PCDHGB5: variants seen among roughly 807,000 people sequenced by gnomAD.
The protein encoded by PCDHGB5 is protocadherin gamma-B5.
In PCDHGB5, 48 loss-of-function variants were observed where a neutral mutation model predicts 62.9. The observed-to-expected ratio is 0.76, with a 90% CI of 0.61 to 0.97. PCDHGB5 has a LOEUF of 0.97. Ranked by LOEUF, PCDHGB5 falls within the 50% of genes least tolerant of loss-of-function variation. The probability of loss-of-function intolerance (pLI) is 0.00; values close to 1 mark genes in which losing one functional copy is unlikely to be tolerated. For missense variants in PCDHGB5, 1,118 were observed against 1,198.6 expected, an observed-to-expected ratio of 0.93 and a Z score of 0.99; for synonymous variants, 474 against 511.2, an observed-to-expected ratio of 0.93 and a Z score of 0.98.
intron 1 of PCDHGB5, among the ~76,000 whole-genome samples, chr5:141,406,273 G>C (rs1366399912): frequency 6.6e-6 from 1 of 151,898 alleles, no homozygotes; most frequent in Non-Finnish European, 1.5e-5. Context: ...TCCTGCTTCA[G>C]TTTCCCAAAG....
intron 1 of PCDHGB5, chr5:141,423,753 G>GC (rs1489142243): frequency 4.8e-6 from 3 of 626,014 alleles, no homozygotes; most frequent in African/African-American, 5.1e-5. Context: ...AACTGTTTGG[G>GC]GGGGGGGTGG....
chr5:141,486,425 A>C lies in PCDHGB5; in HGVS notation c.2398-8382A>C. The C allele has an allele frequency of 6.2e-7, 1 of 1,614,228 alleles. No homozygotes were observed. On this transcript the variant is annotated intron_variant, in intron 1 of 3. Transcript: ENST00000617380. This position sits in a 1 kb window ranked among gnomAD's most constrained non-coding sequence, Gnocchi z 5.0. Reference sequence around the variant, plus strand: ...TGCTGGACCCTTGGATCGAGAGGCCAAATCTAGCTATGACATCATGGTCAC... The same window carrying C: ...TGCTGGACCCTTGGATCGAGAGGCCCAATCTAGCTATGACATCATGGTCAC...
At chr5:141,411,134 G>A (rs1050594380) in intron 1 of PCDHGB5, 1 of 152,434 alleles carries the variant, frequency 6.6e-6, no homozygotes, top group Non-Finnish European at 1.5e-5. Context: ...ACAGGCGTGA[G>A]CCACAATATT....
chr5:141,489,225 A>G lies in PCDHGB5; in HGVS notation c.2398-5582A>G. 3 of 1,518,230 alleles carry G rather than the reference A, an allele frequency of 2.0e-6. No individual in the cohort carries two copies. Among genetic ancestry groups the G allele is most frequent in the East Asian group, 2.3e-5 (1 of 44,234 alleles). 94.0% of individuals were successfully genotyped at this position (1,518,230 alleles called of 1,614,324 possible). On this transcript the variant is annotated intron_variant, in intron 1 of 3. Coordinates refer to ENST00000617380, the MANE Select transcript of PCDHGB5 (RefSeq NM_018925.3). The surrounding 1 kb of genome is among the most constrained non-coding windows in gnomAD (Gnocchi z 4.5). ...GGACAGCACAGACTTACTCTCCACA[A>G]AGGGACTTCTGGGTCATGGGGCCCA...
rs545524357 is a variant in PCDHGB5, at chr5:141,467,902, G to A, written c.2398-26905G>A. ...TCAAACTCCTGAGCTCAAGAAATCC[G>A]CCCACCTCAGCCTCCCAAAATGCTA... On this transcript the variant is annotated intron_variant, in intron 1 of 3. Coordinates refer to ENST00000617380, the MANE Select transcript of PCDHGB5 (RefSeq NM_018925.3). 1.1e-4 allele frequency among the ~76,000 whole-genome samples: 16 copies of A among 151,862 alleles called. No homozygotes were observed. The East Asian group carries it at 2.3e-3, about 22-fold the overall frequency.
At chr5:141,509,574 G>A (rs554778751) in intron 3 of PCDHGB5, among the ~76,000 whole-genome samples, 7 of 152,182 alleles carry the variant, frequency 4.6e-5, no homozygotes, top group Non-Finnish European at 5.9e-5. Flanking sequence ...TTCACAGTGC[G>A]TACAAATCAG....
In PCDHGB5 at chr5:141,485,145, A is replaced by G. The variant is rs766014792; in HGVS notation, c.2398-9662A>G. On this transcript the variant is annotated intron_variant, in intron 1 of 3. Coordinates refer to ENST00000617380, the MANE Select transcript of PCDHGB5 (RefSeq NM_018925.3). The surrounding 1 kb of genome is among the most constrained non-coding windows in gnomAD (Gnocchi z 5.7). Reference sequence around the variant, plus strand: ...GGGTCGGCTTCATCCGCGTCTCAGGAGCAAGTAGAGAATTAGCGGGCGGCA... The same window carrying G: ...GGGTCGGCTTCATCCGCGTCTCAGGGGCAAGTAGAGAATTAGCGGGCGGCA... The G allele has an allele frequency of 4.5e-6, 7 of 1,567,410 alleles. No individual in the cohort carries two copies. Among genetic ancestry groups the G allele is most frequent in the Non-Finnish European group, 6.1e-6 (7 of 1,142,014 alleles).
rs202162316 is a variant in PCDHGB5, at chr5:141,490,194, T to C, written c.2398-4613T>C. ...TTGAGGAGTCACGTTTCTATGAAAT[T>C]CATGCAAGAGCCCGTGACCAGGGAC... is the stretch of plus-strand genomic sequence containing the variant. On this transcript the variant is annotated intron_variant, in intron 1 of 3. Transcript: ENST00000617380. The surrounding 1 kb of genome is among the most constrained non-coding windows in gnomAD (Gnocchi z 5.4). The C allele has an allele frequency of 8.1e-6, 13 of 1,614,186 alleles. No individual in the cohort carries two copies. The highest frequency in any genetic ancestry group is 1.1e-5 in the Non-Finnish European group (13 of 1,180,030).
In PCDHGB5 at chr5:141,511,116, G is replaced by A. The variant is rs2099883616; in HGVS notation, c.2715G>A (p.Lys905=). Residue 905 remains lysine, a synonymous_variant, in exon 4 of 4, where the codon AAG becomes AAA. Transcript: ENST00000617380. The stretch of plus-strand genomic sequence containing the variant: ...ACGCAGCTGGCAAGCGGGATGGCAA[G>A]GCCCCAGCAGGTGGCAATGGCAACA... ...LTNAAGKRDG[K]APAGGNGNKK... The A allele has an allele frequency of 1.9e-6, 3 of 1,614,234 alleles. No individual in the cohort carries two copies. The highest frequency in any genetic ancestry group is 2.5e-6 in the Non-Finnish European group (3 of 1,180,026).
intron 1 of PCDHGB5, among the ~76,000 whole-genome samples, chr5:141,463,573 C>T (rs1331124291): frequency 6.6e-6 from 1 of 151,436 alleles, no homozygotes; most frequent in East Asian, 1.9e-4. Flanking sequence ...CTCAGCCTCC[C>T]GAGTAGCTGG....
intron 1 of PCDHGB5, among the ~76,000 whole-genome samples, chr5:141,407,447 G>A (rs1347838571): frequency 3.9e-5 from 6 of 152,260 alleles, no homozygotes; most frequent in African/African-American, 2.4e-5. Context: ...ACCAGAACAC[G>A]AGGCTCACCA....
intron 1 of PCDHGB5, chr5:141,427,729 A>G (rs1176707357): frequency 8.5e-7 from 1 of 1,170,166 alleles, no homozygotes; most frequent in African/African-American, 1.5e-5. Context: ...CTAGGGCTGA[A>G]TGGCCAAGTC....
chr5:141,489,257 T>C lies in PCDHGB5; in HGVS notation c.2398-5550T>C, dbSNP rs2099684606. 5.8e-6 allele frequency: 9 copies of C among 1,550,190 alleles called. No homozygotes were observed. The highest frequency in any genetic ancestry group is 1.4e-5 in the African/African-American group (1 of 73,054). On this transcript the variant is annotated intron_variant, in intron 1 of 3. Transcript: ENST00000617380. This position sits in a 1 kb window ranked among gnomAD's most constrained non-coding sequence, Gnocchi z 4.5. Reference sequence around the variant, plus strand: ...TTCTGGGTCATGGGGCCCAAGACACTCCCACAGCTCGCTGGGAAATGGCAA... The same window carrying C: ...TTCTGGGTCATGGGGCCCAAGACACCCCCACAGCTCGCTGGGAAATGGCAA...
At chr5:141,409,290 G>A in intron 1 of PCDHGB5, 1 of 1,613,974 alleles carries the variant, frequency 6.2e-7, no homozygotes. Context: ...TCACCTCCAG[G>A]AATGGTTGTT....
At chr5:141,433,212 T>C (rs747556366) in intron 1 of PCDHGB5, 75 of 1,570,956 alleles carry the variant, frequency 4.8e-5, no homozygotes, top group Non-Finnish European at 6.2e-5. Flanking sequence ...TTCTTTCTTT[T>C]TTTTTTTTAA....
At chr5:141,455,360 A>C (rs2098820130) in intron 1 of PCDHGB5, among the ~76,000 whole-genome samples, 1 of 152,112 alleles carries the variant, frequency 6.6e-6, no homozygotes, top group Non-Finnish European at 1.5e-5. Context: ...TTAATAGGCA[A>C]GAAGGAAGGG....
intron 3 of PCDHGB5, among the ~76,000 whole-genome samples, chr5:141,510,556 T>TA (rs2099881668): frequency 6.6e-6 from 1 of 152,178 alleles, no homozygotes; most frequent in African/African-American, 2.4e-5. Flanking sequence ...TTTGAGCACT[T>TA]ACATCTACCA....
At chr5:141,433,383 CT>C (rs2097595660) in intron 1 of PCDHGB5, among the ~76,000 whole-genome samples, 1 of 151,456 alleles carries the variant, frequency 6.6e-6, no homozygotes, top group Non-Finnish European at 1.5e-5. Context: ...ATCTATCTAT[CT>C]ATCTATCTAT....
chr5:141,409,415 G>C, intron 1 of PCDHGB5: 1 of 1,614,008 alleles, frequency 6.2e-7, no homozygotes. Context: ...CTACAAACTG[G>C]TGACAGATGG....
Sources: allele counts gnomAD v4.1 joint callset (sites outside exome capture counted in the v4.1 genomes callset), GRCh38; gene constraint gnomAD v4.1.1; non-coding constraint Gnocchi (gnomAD v3.1); transcripts MANE v1.5; gene names NCBI Gene and HGNC (gene_info 2026-07-23, HGNC 2026-07-21).